The following ALS2 variants were observed in gnomAD, a reference collection of about 807,000 sequenced individuals.
The protein encoded by ALS2 is alsin Rho guanine nucleotide exchange factor ALS2.
ALS2 carries 117 observed loss-of-function variants against 203.4 expected under a neutral mutation model. The ratio of observed to expected loss-of-function variants is 0.58; its 90% CI spans 0.50 to 0.67. The LOEUF (loss-of-function observed/expected upper bound fraction) is 0.67. Among genes scored for constraint, ALS2 ranks in the 30% least tolerant of loss-of-function variants. ALS2 has a pLI of 0.00. For synonymous variants in ALS2, 718 were observed against 725.9 expected, an observed-to-expected ratio of 0.99 and a Z score of 0.17; for missense variants, 1,715 against 1,989.4, an observed-to-expected ratio of 0.86 and a Z score of 2.62.
intron 24 of ALS2, among the ~76,000 whole-genome samples, chr2:201,716,358 A>G (rs1039806904): frequency 6.6e-6 from 1 of 152,126 alleles, no homozygotes; most frequent in African/African-American, 2.4e-5. Context: ...AGCCAGGCCA[A>G]CATGGCAAAA....
chr2:201,728,254 C>G (rs1467036000), intron 15 of ALS2, among the ~76,000 whole-genome samples: 1 of 152,090 alleles, frequency 6.6e-6, no homozygotes, highest in African/African-American at 2.4e-5. Flanking sequence ...CCTCCCCCGA[C>G]CCCACGACAG....
chr2:201,780,652 C>A (rs1694865069), intron 1 of ALS2, among the ~76,000 whole-genome samples: 1 of 152,232 alleles, frequency 6.6e-6, no homozygotes, highest in Non-Finnish European at 1.5e-5. Context: ...GAACCTGGGG[C>A]CAAGGCAGGG....
intron 11 of ALS2, among the ~76,000 whole-genome samples, chr2:201,739,067 G>T (rs151271889): frequency 6.6e-6 from 1 of 151,238 alleles, no homozygotes; most frequent in Non-Finnish European, 1.5e-5. Context: ...GGGGAAACCC[G>T]ACTTTACAAA....
At chr2:201,779,364 A>AT (rs1178987003) in intron 1 of ALS2, among the ~76,000 whole-genome samples, 1 of 152,226 alleles carries the variant, frequency 6.6e-6, no homozygotes, top group Admixed American at 6.5e-5. Flanking sequence ...ATAATTATGA[A>AT]TTTTAAATCT....
intron 12 of ALS2, among the ~76,000 whole-genome samples, chr2:201,734,888 T>C (rs933403221): frequency 6.6e-6 from 1 of 152,142 alleles, no homozygotes; most frequent in African/African-American, 2.4e-5. Flanking sequence ...TTTCCTTATA[T>C]GGCAAGGTCT....
chr2:201,738,337 G>C (rs917262633), intron 12 of ALS2, among the ~76,000 whole-genome samples: 9 of 152,118 alleles, frequency 5.9e-5, no homozygotes, highest in Non-Finnish European at 1.2e-4. Flanking sequence ...TACATTATTT[G>C]TTCCTCTCCA....
In ALS2 at chr2:201,703,978, A is replaced by G. The variant is rs760224532; in HGVS notation, c.4935+144T>C. The G allele has an allele frequency of 1.3e-5, 9 of 698,410 alleles. No individual in the cohort carries two copies. The Admixed American group carries it at 2.1e-4, about 16-fold the overall frequency. 43.3% of individuals were successfully genotyped at this position (698,410 alleles called of 1,614,324 possible). A position where few individuals can be genotyped will look rare whatever the true frequency, so the allele number is the denominator to read the frequency against. The stretch of plus-strand genomic sequence containing the variant: ...ACTTTAATATACTATATAATGTTTT[A>G]AAGTGTAGAACAAAATGTGCTCTAA... On this transcript the variant is annotated intron_variant, in intron 33 of 33. Coordinates refer to ENST00000264276, the MANE Select transcript of ALS2 (RefSeq NM_020919.4).
rs946111930 is a variant in ALS2 at position 201,768,822 on chromosome 2, A to G, written c.20+44T>C. ...CTACACATATGTGAAGCTGTTTGCT[A>G]TGTTTTCCTAGGAGGATAAGAGAAA... On this transcript the variant is annotated intron_variant, in intron 2 of 33. Transcript: ENST00000264276. The G allele has an allele frequency of 2.5e-6, 4 of 1,592,692 alleles. No individual in the cohort carries two copies. The Admixed American group carries it at 5.0e-5, about 20-fold the overall frequency.
At chr2:201,765,044 A>G (rs1205149267) in intron 3 of ALS2, among the ~76,000 whole-genome samples, 1 of 151,860 alleles carries the variant, frequency 6.6e-6, no homozygotes, top group Non-Finnish European at 1.5e-5. Context: ...GCTAGGCTAG[A>G]GTGCAGTGGC....
In ALS2 at chr2:201,710,980, C is replaced by T. The variant is rs749133717; in HGVS notation, c.4122+11G>A. The T allele has an allele frequency of 6.7e-6, 10 of 1,494,620 alleles. No homozygotes were observed. Among genetic ancestry groups the T allele is most frequent in the Non-Finnish European group, 9.3e-6 (10 of 1,071,606 alleles). 92.6% of individuals were successfully genotyped at this position (1,494,620 alleles called of 1,614,324 possible). A position where few individuals can be genotyped will look rare whatever the true frequency, so the allele number is the denominator to read the frequency against. On this transcript the variant is annotated intron_variant, in intron 26 of 33. Transcript: ENST00000264276. Reference sequence around the variant, plus strand: ...ATTCACAAGACCAATGTAATTTTTACTCTAGTTTACCTTTATTAAATATTT... The same window carrying T: ...ATTCACAAGACCAATGTAATTTTTATTCTAGTTTACCTTTATTAAATATTT...
chr2:201,726,236 C>T (rs183092733), intron 19 of ALS2, among the ~76,000 whole-genome samples: 259 of 152,092 alleles, frequency 1.7e-3, no homozygotes, highest in African/African-American at 6.0e-3. Flanking sequence ...AAAACATAGC[C>T]CCATTTTAAC....
intron 4 of ALS2, chr2:201,760,604 A>G: frequency 8.1e-7 from 1 of 1,232,534 alleles, no homozygotes; most frequent in African/African-American, 1.5e-5. Flanking sequence ...CATAGAAAAA[A>G]AGTACTAGCA....
intron 21 of ALS2, among the ~76,000 whole-genome samples, chr2:201,723,769 A>G (rs1046705090): frequency 9.9e-5 from 15 of 152,248 alleles, no homozygotes; most frequent in Admixed American, 6.5e-4. Context: ...TTAAAATGTA[A>G]TAAGCAGAAT....
At position 201,715,771 on chromosome 2, in the gene ALS2, C is replaced by T. The variant is rs199577696; in HGVS notation, c.3905G>A (p.Arg1302His). The change falls in exon 25 of 34, where the codon CGC becomes CAC. Residue 1302 changes from arginine to histidine, a missense_variant. Physicochemically the swap from Arg to His is conservative, Grantham distance 29. Transcript: ENST00000264276. The part of the protein sequence containing the change: ...KWKAVFDECW[R>H]QLGCEGPGQG... The stretch of plus-strand genomic sequence containing the variant: ...GCCTGGGCCCTCACAGCCCAGTTGG[C>T]GCCAACATTCGTCAAACACCGCTTT... 315 of 1,614,188 alleles carry T rather than the reference C, an allele frequency of 2.0e-4. No homozygotes were observed. In the African/African-American group the frequency reaches 3.6e-3, roughly 19 times the overall value.
In ALS2 at chr2:201,709,935, T is replaced by G. The variant is rs1559033841; in HGVS notation, c.4226A>C (p.Gln1409Pro). 6.2e-7 allele frequency: 1 copy of G among 1,614,174 alleles called. No homozygotes were observed. The highest frequency in any genetic ancestry group is 1.1e-5 in the South Asian group (1 of 91,082). ...VGVGANRRLL[Q>P]EAVKEIKSYL... ...GGACTTAATCTCCTTTACAGCCTCC[T>G]GCAATAACCTGCGGTTGGCTCCTAC... is the stretch of plus-strand genomic sequence containing the variant. Residue 1409 changes from glutamine (Q) to proline (P), a missense_variant, in exon 27 of 34, where the codon CAG becomes CCG. This residue lies in a region of ALS2 where 1,227 missense variants were observed against 1,413.5 expected (regional missense o/e 0.87). Transcript: ENST00000264276.
At chr2:201,764,850 T>C (rs1413684964) in intron 3 of ALS2, among the ~76,000 whole-genome samples, 1 of 152,164 alleles carries the variant, frequency 6.6e-6, no homozygotes, top group Non-Finnish European at 1.5e-5. Context: ...AGACGACGTT[T>C]TCTTTTGGTA....
intron 5 of ALS2, among the ~76,000 whole-genome samples, chr2:201,754,974 A>G (rs2106075295): frequency 6.6e-6 from 1 of 152,342 alleles, no homozygotes; most frequent in South Asian, 2.1e-4. Flanking sequence ...CCCAGCTGGA[A>G]TTCCAAACAT....
chr2:201,727,842 C>T, intron 15 of ALS2, 67 bp from the exon 16 acceptor site: 1 of 1,413,430 alleles, frequency 7.1e-7, no homozygotes, highest in Non-Finnish European at 9.8e-7. Context: ...CTGCCCATAT[C>T]CCCTTCATGT....
At position 201,726,707 on chromosome 2, in the gene ALS2, C is replaced by T. The variant is rs748217864; in HGVS notation, c.3139G>A (p.Ala1047Thr). 1.1e-5 allele frequency: 17 copies of T among 1,614,192 alleles called. No homozygotes were observed. Among genetic ancestry groups the T allele is most frequent in the Non-Finnish European group, 1.4e-5 (17 of 1,180,036 alleles). ...GAAAGCCAGCGTCCATCATAGGTGG[C>T]ATCCTTTAGGCGAGGATCCTTGTAG... is the stretch of plus-strand genomic sequence containing the variant. ...TFYKDPRLKD[A>T]TYDGRWLSGK... The change falls in exon 18 of 34, where the codon GCC (alanine) becomes ACC (threonine). Residue 1047 changes from alanine (A) to threonine (T), a missense_variant. Ala to Thr is a moderately conservative substitution (Grantham distance 58, BLOSUM62 0). Transcript: ENST00000264276.
Sources: gnomAD v4.1 joint callset for allele counts (sites outside exome capture counted in the v4.1 genomes callset) on GRCh38, gnomAD v4.1.1 for gene constraint, gnomAD v4.1.1 regional missense constraint, MANE v1.5 for transcripts, NCBI Gene and HGNC (gene_info 2026-07-23, HGNC 2026-07-21) for gene names.